The following LHFPL6 variants were observed in gnomAD, a reference collection of about 807,000 sequenced individuals.
LHFPL6 encodes the protein LHFPL tetraspan subfamily member 6.
Under a neutral mutation model 20.6 loss-of-function variants are expected in LHFPL6, and 9 were observed. That is an observed-to-expected ratio of 0.44 (90% CI 0.26 to 0.76). The LOEUF (loss-of-function observed/expected upper bound fraction) is 0.76. LHFPL6 is among the 30% of genes least tolerant of loss of function. LHFPL6 has a pLI of 0.20. For synonymous variants in LHFPL6, 105 were observed against 98.7 expected (o/e 1.06, Z -0.38); for missense variants, 218 against 253.5 (o/e 0.86, Z 0.95).
chr13:39,517,158 G>A (rs576908563), intron 2 of LHFPL6, among the ~76,000 whole-genome samples: 1 of 152,270 alleles, frequency 6.6e-6, no homozygotes, highest in South Asian at 2.1e-4. Context: ...TGGACCGTAG[G>A]GGGGTAATGA....
intron 2 of LHFPL6, among the ~76,000 whole-genome samples, chr13:39,463,505 C>T (rs1421160384): frequency 1.3e-5 from 2 of 152,126 alleles, no homozygotes; most frequent in African/African-American, 4.8e-5. Context: ...TCTATTCAAA[C>T]TTTCCTATTA....
chr13:39,390,513 A>G (rs1006060415), intron 2 of LHFPL6, among the ~76,000 whole-genome samples: 29 of 151,942 alleles, frequency 1.9e-4, no homozygotes, highest in Non-Finnish European at 1.2e-4. Flanking sequence ...CTAAAAAAGA[A>G]AAAACAAAGG....
chr13:39,353,369 G>A (rs1869643419), intron 3 of LHFPL6, among the ~76,000 whole-genome samples: 1 of 152,024 alleles, frequency 6.6e-6, no homozygotes, highest in African/African-American at 2.4e-5. Flanking sequence ...CTTGGTTGGT[G>A]GGCAGAAAAT....
chr13:39,569,181 GGATGGATGGATT>G (rs796560187), intron 2 of LHFPL6, among the ~76,000 whole-genome samples: 1,596 of 151,716 alleles, frequency 0.011, 10 homozygotes, highest in Middle Eastern at 0.027. Flanking sequence ...ATGGATGGAT[GGATGGATGGATT>G]GATGGACAGA....
intron 2 of LHFPL6, among the ~76,000 whole-genome samples, chr13:39,404,488 T>G (rs1201761651): frequency 6.6e-6 from 1 of 152,158 alleles, no homozygotes; most frequent in Non-Finnish European, 1.5e-5. Context: ...CAGACAGCTT[T>G]CAAAAATCCC....
intron 2 of LHFPL6, among the ~76,000 whole-genome samples, chr13:39,573,476 T>A (rs1330001900): frequency 2.0e-5 from 3 of 152,080 alleles, no homozygotes; most frequent in African/African-American, 7.2e-5. Flanking sequence ...ACAATAATCA[T>A]CAAAATAGAT....
At chr13:39,347,790 A>C (rs1869449434) in intron 3 of LHFPL6, among the ~76,000 whole-genome samples, 1 of 152,210 alleles carries the variant, frequency 6.6e-6, no homozygotes, top group Non-Finnish European at 1.5e-5. Context: ...TAGAGAAGAG[A>C]TGGCCAATCG....
At chr13:39,367,144 T>C (rs1304968770) in intron 3 of LHFPL6, among the ~76,000 whole-genome samples, 2 of 152,180 alleles carry the variant, frequency 1.3e-5, no homozygotes, top group African/African-American at 4.8e-5. Flanking sequence ...ACAGATGTGA[T>C]TTTGAATTAG....
At chr13:39,512,341 G>A (rs990390547) in intron 2 of LHFPL6, among the ~76,000 whole-genome samples, 30 of 152,250 alleles carry the variant, frequency 2.0e-4, no homozygotes, top group African/African-American at 6.3e-4. Context: ...GGTGGCTCAC[G>A]CCTGTAATCC....
intron 3 of LHFPL6, among the ~76,000 whole-genome samples, chr13:39,353,185 C>T (rs1292536441): frequency 1.3e-5 from 2 of 150,776 alleles, no homozygotes; most frequent in African/African-American, 4.9e-5. Context: ...GGGGTTTCAC[C>T]ATGTTGGCCT....
chr13:39,396,405 T>C (rs1870843415), intron 2 of LHFPL6, among the ~76,000 whole-genome samples: 2 of 152,156 alleles, frequency 1.3e-5, no homozygotes, highest in African/African-American at 4.8e-5. Flanking sequence ...GAATGTGAAC[T>C]TATTTGGAAA....
intron 3 of LHFPL6, among the ~76,000 whole-genome samples, chr13:39,359,097 T>C (rs1368635145): frequency 6.6e-6 from 1 of 151,638 alleles, no homozygotes; most frequent in South Asian, 2.1e-4. Context: ...GGGAGGCGGA[T>C]GTTTCAGTGA....
At chr13:39,563,375 A>G (rs1439129854) in intron 2 of LHFPL6, among the ~76,000 whole-genome samples, 2 of 152,168 alleles carry the variant, frequency 1.3e-5, no homozygotes, top group Non-Finnish European at 2.9e-5. Flanking sequence ...TCTGCAGATG[A>G]CAGAAACAAA....
At chr13:39,455,205 T>A (rs1250315136) in intron 2 of LHFPL6, among the ~76,000 whole-genome samples, 1 of 152,146 alleles carries the variant, frequency 6.6e-6, no homozygotes, top group Non-Finnish European at 1.5e-5. Flanking sequence ...TGTTTCATGT[T>A]TAAATCATTT....
intron 2 of LHFPL6, among the ~76,000 whole-genome samples, chr13:39,555,576 C>T (rs1209352986): frequency 6.6e-6 from 1 of 152,040 alleles, no homozygotes; most frequent in African/African-American, 2.4e-5. Context: ...CTTTAGTGAG[C>T]TTATTAAGCA....
chr13:39,523,221 G>T (rs922420467), intron 2 of LHFPL6, among the ~76,000 whole-genome samples: 1 of 152,108 alleles, frequency 6.6e-6, no homozygotes, highest in Non-Finnish European at 1.5e-5. Flanking sequence ...CCCTATTATG[G>T]AGGGTTAGAT....
chr13:39,551,298 C>T (rs2138512083), intron 2 of LHFPL6, among the ~76,000 whole-genome samples: 1 of 152,178 alleles, frequency 6.6e-6, no homozygotes, highest in East Asian at 1.9e-4. Flanking sequence ...GTGAGTGAGA[C>T]AGGGCAAAGC....
At chr13:39,402,315 C>T (rs1179746598) in intron 2 of LHFPL6, among the ~76,000 whole-genome samples, 2 of 152,142 alleles carry the variant, frequency 1.3e-5, no homozygotes, top group Non-Finnish European at 2.9e-5. Flanking sequence ...ACCTTGAACT[C>T]CTGGGCCCAA....
At chr13:39,359,496 T>C (rs970671450) in intron 3 of LHFPL6, among the ~76,000 whole-genome samples, 1 of 151,956 alleles carries the variant, frequency 6.6e-6, no homozygotes, top group African/African-American at 2.4e-5. Flanking sequence ...AAAATCAACA[T>C]AAAGGCCGTT....
Sources: gnomAD v4.1 joint callset for allele counts (sites outside exome capture counted in the v4.1 genomes callset) on GRCh38, gnomAD v4.1.1 for gene constraint, MANE v1.5 for transcripts, NCBI Gene and HGNC (gene_info 2026-07-23, HGNC 2026-07-21) for gene names.